ATPAF2: variants seen among roughly 807,000 people sequenced by gnomAD.
ATPAF2 encodes the protein ATP synthase mitochondrial F1 complex assembly factor 2.
In ATPAF2, 30 loss-of-function variants were observed where a neutral mutation model predicts 36.6. The observed-to-expected ratio is 0.82, with a 90% CI of 0.61 to 1.11. The LOEUF (loss-of-function observed/expected upper bound fraction) is 1.11, where lower values mean the gene tolerates loss of function less well. Among genes scored for constraint, ATPAF2 ranks in the 50% most tolerant of loss-of-function variants. The pLI is 0.00. For synonymous variants in ATPAF2, 140 were observed against 152.6 expected (o/e 0.92, Z 0.61); for missense variants, 321 against 372.3 (o/e 0.86, Z 1.13).
intron 1 of ATPAF2, among the ~76,000 whole-genome samples, chr17:18,029,597 TA>T (rs1189299601): frequency 1.2e-4 from 18 of 152,008 alleles, no homozygotes; most frequent in Admixed American, 3.3e-4. Flanking sequence ...ATTTTATTAT[TA>T]TTTTTTTTTT....
chr17:18,038,848 G>A, intron 1 of ATPAF2, 33 bp downstream of exon 1: 1 of 1,612,270 alleles, frequency 6.2e-7, no homozygotes, highest in Non-Finnish European at 8.5e-7. Flanking sequence ...CCCCAGCTCG[G>A]CCCCAACCCA....
In ATPAF2 at chr17:18,018,023, G is replaced by A. The variant is rs780010191; in HGVS notation, c.*526C>T. The A allele has an allele frequency of 2.2e-4, 40 of 179,672 alleles. No individual in the cohort carries two copies. Among genetic ancestry groups the A allele is most frequent in the Non-Finnish European group, 3.7e-4 (31 of 83,330 alleles). The allele number at this position is 179,672 out of a possible 1,614,324, so 11.1% of individuals were successfully genotyped here. A position where few individuals can be genotyped will look rare whatever the true frequency, so the allele number is the denominator to read the frequency against. The stretch of plus-strand genomic sequence containing the variant: ...GAAACAACCAGCTTAGACCACAATT[G>A]TTTCAAAAGATTGTTTGATTAAAAG... On this transcript the variant is annotated 3_prime_UTR_variant, in exon 8 of 8. Coordinates refer to ENST00000474627, the MANE Select transcript of ATPAF2 (RefSeq NM_145691.4).
downstream of ATPAF2, among the ~76,000 whole-genome samples, chr17:18,017,577 C>T (rs1207297774): frequency 6.6e-6 from 1 of 152,246 alleles, no homozygotes; most frequent in Non-Finnish European, 1.5e-5. Flanking sequence ...ACCATGTCAC[C>T]CCCGCAGCCC....
chr17:18,034,418 C>A (rs759681360), intron 1 of ATPAF2, among the ~76,000 whole-genome samples: 3 of 151,716 alleles, frequency 2.0e-5, no homozygotes, highest in African/African-American at 4.8e-5. Context: ...TAAAAAAAAA[C>A]AATGGTCAAG....
chr17:18,030,054 C>T (rs1597674273), intron 1 of ATPAF2, among the ~76,000 whole-genome samples: 2 of 151,800 alleles, frequency 1.3e-5, no homozygotes, highest in Non-Finnish European at 2.9e-5. Context: ...GGCGCAGTGG[C>T]TCACGCCTGT....
chr17:18,032,745 C>T (rs1257525428), intron 1 of ATPAF2, among the ~76,000 whole-genome samples: 1 of 151,992 alleles, frequency 6.6e-6, no homozygotes, highest in Non-Finnish European at 1.5e-5. Context: ...AAGGTGACTT[C>T]TGTGATGGGG....
downstream of ATPAF2, among the ~76,000 whole-genome samples, chr17:18,017,538 G>A (rs1414891264): frequency 1.3e-5 from 2 of 152,250 alleles, no homozygotes; most frequent in Non-Finnish European, 2.9e-5. Flanking sequence ...CTCCAGAAGA[G>A]CAGAGTGCAG....
chr17:18,035,888 A>G (rs1054478959), intron 1 of ATPAF2, among the ~76,000 whole-genome samples: 25 of 152,240 alleles, frequency 1.6e-4, no homozygotes, highest in African/African-American at 6.0e-4. Context: ...TTGGTGACAG[A>G]CAACTGGTAA....
intron 1 of ATPAF2, among the ~76,000 whole-genome samples, chr17:18,030,359 A>G (rs1217369038): frequency 1.4e-5 from 2 of 147,086 alleles, no homozygotes; most frequent in African/African-American, 5.0e-5. Context: ...ATTAAAAATT[A>G]GCTAGGCATG....
intron 5 of ATPAF2, among the ~76,000 whole-genome samples, chr17:18,024,256 C>G (rs2044510884): frequency 6.6e-6 from 1 of 152,178 alleles, no homozygotes; most frequent in Non-Finnish European, 1.5e-5. Flanking sequence ...GAGATCAACT[C>G]ATTAGCCAAG....
chr17:18,039,080 C>T lies in ATPAF2; in HGVS notation c.-67G>A. The T allele has an allele frequency of 1.3e-6, 2 of 1,548,210 alleles. No individual in the cohort carries two copies. The highest frequency in any genetic ancestry group is 1.2e-5 in the South Asian group (1 of 84,792). The stretch of plus-strand genomic sequence containing the variant: ...AGCAGGAAACACAGAGCGATGGGAT[C>T]CCCAAAGCCGCACGGTCGGGCTGTA... On this transcript the variant is annotated 5_prime_UTR_variant, in exon 1 of 8. Transcript: ENST00000474627. The surrounding 1 kb of genome is among the most constrained non-coding windows in gnomAD (Gnocchi z 5.3).
At chr17:18,021,620 A>T in intron 6 of ATPAF2, 125 bp downstream of exon 6, 1 of 878,290 alleles carries the variant, frequency 1.1e-6, no homozygotes, top group Non-Finnish European at 1.9e-6. Flanking sequence ...CAGCCTCCAC[A>T]CTCAGCTAGC....
intron 1 of ATPAF2, among the ~76,000 whole-genome samples, chr17:18,031,968 C>T (rs955910542): frequency 7.2e-5 from 11 of 152,186 alleles, no homozygotes; most frequent in Non-Finnish European, 1.5e-4. Context: ...ATCCAAATGG[C>T]AGGCTAGACA....
intron 4 of ATPAF2, chr17:18,025,072 C>T (rs767062182): frequency 6.5e-5 from 23 of 356,522 alleles, no homozygotes; most frequent in Non-Finnish European, 1.1e-4. Context: ...TTACTGCCAT[C>T]CTAAAGCAGA....
At chr17:18,030,675 T>C (rs1367426129) in intron 1 of ATPAF2, among the ~76,000 whole-genome samples, 5 of 146,996 alleles carry the variant, frequency 3.4e-5, no homozygotes, top group East Asian at 3.9e-4. Flanking sequence ...TTTTCTTTTT[T>C]TTTTTTTTTT....
At chr17:18,035,003 G>A (rs1302055345) in intron 1 of ATPAF2, among the ~76,000 whole-genome samples, 1 of 152,164 alleles carries the variant, frequency 6.6e-6, no homozygotes, top group Admixed American at 6.6e-5. Context: ...CTGGAAGGCC[G>A]AAGCAGGAGG....
intron 7 of ATPAF2, among the ~76,000 whole-genome samples, chr17:18,019,637 A>G (rs1401182835): frequency 1.4e-5 from 2 of 145,774 alleles, no homozygotes; most frequent in Non-Finnish European, 3.0e-5. Context: ...CTGTCCAGAC[A>G]GTGTAAGTCC....
At chr17:18,030,854 T>C (rs867315022) in intron 1 of ATPAF2, among the ~76,000 whole-genome samples, 4 of 112,914 alleles carry the variant, frequency 3.5e-5, no homozygotes, top group African/African-American at 6.8e-5. Flanking sequence ...TTTTTTTTTT[T>C]AGTAGAGACG....
intron 4 of ATPAF2, chr17:18,025,181 A>G: frequency 3.9e-6 from 1 of 255,158 alleles, no homozygotes; most frequent in Non-Finnish European, 7.8e-6. Context: ...CTCTACCCTC[A>G]CCCCCTCCAA....
Sources: gnomAD v4.1 joint callset for allele counts (sites outside exome capture counted in the v4.1 genomes callset) on GRCh38, gnomAD v4.1.1 for gene constraint, Gnocchi (gnomAD v3.1) non-coding constraint, MANE v1.5 for transcripts, NCBI Gene and HGNC (gene_info 2026-07-23, HGNC 2026-07-21) for gene names.